The following TAFA2 variants were observed in gnomAD, a reference collection of about 807,000 sequenced individuals.
TAFA2 encodes TAFA chemokine like family member 2, also known as chemokine-like protein TAFA-2.
A neutral mutation model predicts 18.8 loss-of-function variants in TAFA2; 7 were observed. That is an observed-to-expected ratio of 0.37 (90% CI 0.21 to 0.70). TAFA2 has a LOEUF of 0.70. Among genes scored for constraint, TAFA2 ranks in the 30% least tolerant of loss-of-function variants. TAFA2 has a pLI of 0.53. For synonymous variants in TAFA2, 60 were observed against 54.2 expected (o/e 1.11, Z -0.47); for missense variants, 122 against 158.1 (o/e 0.77, Z 1.23).
intron 1 of TAFA2, among the ~76,000 whole-genome samples, chr12:62,154,378 A>C (rs2136923122): frequency 6.6e-6 from 1 of 152,302 alleles, no homozygotes; most frequent in South Asian, 2.1e-4. Flanking sequence ...GCTTCCACTA[A>C]TAGCTCATTG....
chr12:61,752,239 T>A (rs1229435232), intron 4 of TAFA2, among the ~76,000 whole-genome samples: 2 of 152,034 alleles, frequency 1.3e-5, no homozygotes, highest in African/African-American at 2.4e-5. Context: ...GTGTATGGCA[T>A]ATGTTTTAAG....
intron 1 of TAFA2, among the ~76,000 whole-genome samples, chr12:62,059,512 TAA>T (rs930900078): frequency 2.6e-5 from 4 of 151,336 alleles, no homozygotes; most frequent in African/African-American, 4.9e-5. Flanking sequence ...TAAAGTGTGG[TAA>T]GAGATAGCAG....
chr12:61,760,807 C>CT (rs1869509033), intron 2 of TAFA2, among the ~76,000 whole-genome samples: 1 of 28,422 alleles, frequency 3.5e-5, no homozygotes, highest in Non-Finnish European at 5.7e-5. Context: ...GATGCAAGAC[C>CT]CCCGGAGAAG....
At chr12:61,867,175 A>C (rs1874390012) in intron 2 of TAFA2, 145 bp downstream of exon 2, 1 of 594,212 alleles carries the variant, frequency 1.7e-6, no homozygotes, top group East Asian at 3.0e-5. Context: ...TAAAGATAAC[A>C]CTGCATTATT....
chr12:61,771,231 G>C (rs1870010720), intron 2 of TAFA2, among the ~76,000 whole-genome samples: 3 of 151,988 alleles, frequency 2.0e-5, no homozygotes, highest in Admixed American at 2.0e-4. Context: ...TAACACTGGA[G>C]ATCCCAAATT....
intron 1 of TAFA2, among the ~76,000 whole-genome samples, chr12:61,894,754 C>T (rs1318151907): frequency 1.3e-5 from 2 of 152,122 alleles, no homozygotes; most frequent in Non-Finnish European, 2.9e-5. Context: ...CAACTCAAAG[C>T]TCAAAGCTAA....
intron 1 of TAFA2, among the ~76,000 whole-genome samples, chr12:62,010,978 G>A (rs1208420489): frequency 7.8e-6 from 1 of 128,102 alleles, no homozygotes; most frequent in African/African-American, 3.2e-5. Context: ...GGTGGGGGGC[G>A]CCTCTGCCCG....
Position 61,835,861 on chromosome 12 carries a change from C to G in TAFA2, c.106+31459G>C, listed in dbSNP as rs1444928075. Among the ~76,000 whole-genome samples, 3 of 151,658 alleles carry G rather than the reference C, an allele frequency of 2.0e-5. No homozygotes were observed. In the East Asian group the frequency reaches 5.9e-4, roughly 30 times the overall value. ...TTTTGTGTTAGACTCTATTTTAAAC[C>G]CTGGAAATACAGCCATGGATAAGAG... On this transcript the variant is annotated intron_variant, in intron 2 of 4. Transcript: ENST00000416284.
chr12:61,867,068 G>A (rs931338826), intron 2 of TAFA2, among the ~76,000 whole-genome samples: 12 of 152,032 alleles, frequency 7.9e-5, no homozygotes, highest in African/African-American at 9.6e-5. Context: ...GGTAAAAATT[G>A]AAGGAAAGGT....
chr12:61,779,163 G>C (rs1870398709), intron 2 of TAFA2, among the ~76,000 whole-genome samples: 1 of 151,834 alleles, frequency 6.6e-6, no homozygotes, highest in Non-Finnish European at 1.5e-5. Flanking sequence ...GCATTTAAAG[G>C]AACGTTTTTC....
Position 62,192,425 on chromosome 12 carries a change from G to A in TAFA2, c.-1168C>T, listed in dbSNP as rs1000189067. ...AAAGGAGCGGGGGGAGGGGGCCGAG[G>A]AAACAAATCCAGATCACCGGCGGAG... On this transcript the variant is annotated 5_prime_UTR_variant, in exon 1 of 5. Transcript: ENST00000416284. 4.6e-5 allele frequency: 7 copies of A among 152,480 alleles called. No homozygotes were observed. Among genetic ancestry groups the A allele is most frequent in the Admixed American group, 4.6e-4 (7 of 15,296 alleles). 9.4% of individuals were successfully genotyped at this position (152,480 alleles called of 1,614,324 possible).
At chr12:62,126,927 A>G (rs1390712870) in intron 1 of TAFA2, among the ~76,000 whole-genome samples, 3 of 152,122 alleles carry the variant, frequency 2.0e-5, no homozygotes, top group African/African-American at 7.2e-5. Flanking sequence ...ATAAATACAC[A>G]TAAGACATGA....
chr12:62,065,020 A>G (rs1164720613), intron 1 of TAFA2, among the ~76,000 whole-genome samples: 1 of 152,024 alleles, frequency 6.6e-6, no homozygotes, highest in East Asian at 1.9e-4. Context: ...TATACTATTG[A>G]ATGCTACATA....
At chr12:61,889,486 T>C (rs1875535531) in intron 1 of TAFA2, among the ~76,000 whole-genome samples, 1 of 152,196 alleles carries the variant, frequency 6.6e-6, no homozygotes, top group Admixed American at 6.5e-5. Context: ...GGTTTCTTTG[T>C]TCTATACCTT....
chr12:62,199,667 T>C (rs911672283), intron 1 of TAFA2, among the ~76,000 whole-genome samples: 2 of 152,294 alleles, frequency 1.3e-5, no homozygotes, highest in African/African-American at 4.8e-5. Context: ...AGTGGGAATT[T>C]GTGTGGATTC....
chr12:61,870,533 G>T (rs190153966), intron 1 of TAFA2, among the ~76,000 whole-genome samples: 8 of 152,246 alleles, frequency 5.3e-5, no homozygotes. Context: ...ATCATTCTTA[G>T]TAGGGTATGA....
intron 1 of TAFA2, among the ~76,000 whole-genome samples, chr12:61,966,701 G>A (rs1371141123): frequency 6.6e-6 from 1 of 151,858 alleles, no homozygotes; most frequent in East Asian, 1.9e-4. Flanking sequence ...AAAGGGCTGA[G>A]CTCAGCAGCA....
intron 2 of TAFA2, among the ~76,000 whole-genome samples, chr12:61,800,129 T>A (rs552671827): frequency 4.2e-4 from 64 of 152,138 alleles, no homozygotes; most frequent in Non-Finnish European, 8.2e-4. Flanking sequence ...TTTGAAGTAA[T>A]AAAATTAGTG....
At chr12:61,951,303 G>T (rs1473824145) in intron 1 of TAFA2, among the ~76,000 whole-genome samples, 1 of 152,112 alleles carries the variant, frequency 6.6e-6, no homozygotes, top group Non-Finnish European at 1.5e-5. Context: ...TGATTTTACA[G>T]GCAAATATGT....
Sources: allele counts gnomAD v4.1 joint callset (sites outside exome capture counted in the v4.1 genomes callset), GRCh38; gene constraint gnomAD v4.1.1; transcripts MANE v1.5; gene names NCBI Gene and HGNC (gene_info 2026-07-23, HGNC 2026-07-21).